Variants in HRH2 observed in about 807,000 individuals in gnomAD.
HRH2 encodes histamine receptor H2.
HRH2 carries 4 observed loss-of-function variants against 20.1 expected under a neutral mutation model. The ratio of observed to expected loss-of-function variants is 0.20; its 90% CI spans 0.10 to 0.45. HRH2 has a LOEUF of 0.45. Among genes scored for constraint, HRH2 ranks in the 20% least tolerant of loss-of-function variants. The pLI is 0.99. For synonymous variants in HRH2, 197 were observed against 200.7 expected (o/e 0.98, Z 0.16); for missense variants, 250 against 461.6 (o/e 0.54, Z 4.20).
At chr5:175,685,271 G>A (rs557449586) in intron 2 of HRH2, 32 of 707,990 alleles carry the variant, frequency 4.5e-5, no homozygotes, top group Admixed American at 4.3e-4. Flanking sequence ...GAGTGGCACC[G>A]AGGAAGCTCG....
intron 1 of HRH2, among the ~76,000 whole-genome samples, chr5:175,682,492 G>C: frequency 6.6e-6 from 1 of 152,022 alleles, no homozygotes; most frequent in East Asian, 1.9e-4. Context: ...TTTCTCACGA[G>C]TCTCAGTGTC....
intron 1 of HRH2, among the ~76,000 whole-genome samples, chr5:175,675,384 C>T (rs1297712771): frequency 6.6e-6 from 1 of 152,230 alleles, no homozygotes; most frequent in Non-Finnish European, 1.5e-5. Context: ...CTCCCAAGCA[C>T]TCCATCCCCA....
chr5:175,702,810 G>A (rs537526162), intron 2 of HRH2, among the ~76,000 whole-genome samples: 7 of 148,988 alleles, frequency 4.7e-5, no homozygotes, highest in East Asian at 2.0e-4. Flanking sequence ...CCTCAGATCC[G>A]CCCACCTCGG....
At chr5:175,698,494 T>G (rs1433617915) in intron 2 of HRH2, among the ~76,000 whole-genome samples, 1 of 152,174 alleles carries the variant, frequency 6.6e-6, no homozygotes, top group African/African-American at 2.4e-5. Flanking sequence ...ATTGAGACAG[T>G]TAAACAGAAA....
In HRH2 at chr5:175,674,217, G is replaced by A. The variant is rs113662962; in HGVS notation, c.-525-8492G>A. ...CCGAGGCTGGTTTCATGCCTTCTGC[G>A]GCAGGGGGGGTCTGGGGATATGGAC... On this transcript the variant is annotated intron_variant, in intron 1 of 2. Coordinates refer to ENST00000636584, the MANE Select transcript of HRH2 (RefSeq NM_001367711.1). Among the ~76,000 whole-genome samples, 942 of 152,242 alleles carry A rather than the reference G, an allele frequency of 6.2e-3. 9 individuals carry two copies. The highest frequency in any genetic ancestry group is 0.022 in the African/African-American group (902 of 41,528).
rs907596109 is a variant in HRH2, at chr5:175,683,001, T to C, written c.-233T>C. ...TGCTTTTCTCTCTTCTTCATTCATA[T>C]TCATTCCCAACACCTTAGAAGGTGT... is the stretch of plus-strand genomic sequence containing the variant. On this transcript the variant is annotated 5_prime_UTR_variant, in exon 2 of 3. Coordinates refer to ENST00000636584, the MANE Select transcript of HRH2 (RefSeq NM_001367711.1). 3.9e-6 allele frequency: 2 copies of C among 517,648 alleles called. No homozygotes were observed. Among genetic ancestry groups the C allele is most frequent in the African/African-American group, 3.9e-5 (2 of 51,868 alleles). The allele number at this position is 517,648 out of a possible 1,614,324, so 32.1% of individuals were successfully genotyped here. A position where few individuals can be genotyped will look rare whatever the true frequency, so the allele number is the denominator to read the frequency against.
At position 175,661,894 on chromosome 5, in the gene HRH2, C is replaced by T. The variant is rs191285133; in HGVS notation, c.-526+3739C>T. Among the ~76,000 whole-genome samples, 1,048 of 152,152 alleles carry T rather than the reference C, an allele frequency of 6.9e-3. 14 individuals carry two copies. The highest frequency in any genetic ancestry group is 0.024 in the African/African-American group (996 of 41,502). On this transcript the variant is annotated intron_variant, in intron 1 of 2. Transcript: ENST00000636584. ...AAAATTAGCCAGGCGTGATGGCAGG[C>T]GCCTGTAGTCCCAGCTACTCGGGAG...
intron 1 of HRH2, among the ~76,000 whole-genome samples, chr5:175,679,362 A>G (rs1199467834): frequency 2.0e-5 from 3 of 152,210 alleles, no homozygotes; most frequent in African/African-American, 7.2e-5. Context: ...CAAGGGAGGT[A>G]GAAGTGAGAG....
chr5:175,708,142 A>C lies in HRH2; in HGVS notation c.*171A>C, dbSNP rs1198161580. The C allele has an allele frequency of 2.5e-6, 1 of 395,148 alleles. No homozygotes were observed. The highest frequency in any genetic ancestry group is 3.6e-5 in the East Asian group (1 of 27,900). The allele number at this position is 395,148 out of a possible 1,614,324, so 24.5% of individuals were successfully genotyped here. A position where few individuals can be genotyped will look rare whatever the true frequency, so the allele number is the denominator to read the frequency against. On this transcript the variant is annotated 3_prime_UTR_variant, in exon 3 of 3. Coordinates refer to ENST00000636584, the MANE Select transcript of HRH2 (RefSeq NM_001367711.1). The stretch of plus-strand genomic sequence containing the variant: ...CCTCAGGCCTAGGGCGGAACAGCCT[A>C]TTCTGTGCTCAGCATTCCCAGACAG...
chr5:175,688,006 C>T (rs1756230733), intron 2 of HRH2, among the ~76,000 whole-genome samples: 2 of 152,194 alleles, frequency 1.3e-5, no homozygotes, highest in African/African-American at 4.8e-5. Context: ...CCTCCCTTTC[C>T]TTTACCTTTC....
intron 2 of HRH2, 42 bp downstream of exon 2, chr5:175,684,351 G>A (rs745783172): frequency 1.3e-5 from 20 of 1,593,492 alleles, no homozygotes; most frequent in Middle Eastern, 1.7e-4. Context: ...GGGGCAATGG[G>A]AGGGGATGCT....
chr5:175,667,326 C>T (rs932960415), intron 1 of HRH2, among the ~76,000 whole-genome samples: 1 of 152,000 alleles, frequency 6.6e-6, no homozygotes, highest in Non-Finnish European at 1.5e-5. Flanking sequence ...TGCCTGTAAT[C>T]GCAGCTACTC....
In HRH2 at chr5:175,704,730, C is replaced by A. The variant is rs372486785; in HGVS notation, c.1077-3049C>A. Among the ~76,000 whole-genome samples, 32 of 152,220 alleles carry A rather than the reference C, an allele frequency of 2.1e-4. No individual in the cohort carries two copies. The East Asian group carries it at 3.7e-3, about 17-fold the overall frequency. ...TGTTGTCATGAATGAGAAAGTTGAGCAGCATTGCCAGACATAAAATCAACG... is the reference window on the plus strand; with the variant it reads ...TGTTGTCATGAATGAGAAAGTTGAGAAGCATTGCCAGACATAAAATCAACG... On this transcript the variant is annotated intron_variant, in intron 2 of 2. Coordinates refer to ENST00000636584, the MANE Select transcript of HRH2 (RefSeq NM_001367711.1).
In HRH2 at chr5:175,708,751, A is replaced by C. The variant is rs1045715550; in HGVS notation, c.*780A>C. ...AGGCAAATATTTCCTTGACTCAGCC[A>C]CCTTCCTCCTAGCAAGGCTTAGACC... On this transcript the variant is annotated 3_prime_UTR_variant, in exon 3 of 3. Coordinates refer to ENST00000636584, the MANE Select transcript of HRH2 (RefSeq NM_001367711.1). 1 of 152,074 alleles carries C rather than the reference A, an allele frequency of 6.6e-6. No homozygotes were observed. The highest frequency in any genetic ancestry group is 2.4e-5 in the African/African-American group (1 of 41,374). 9.4% of individuals were successfully genotyped at this position (152,074 alleles called of 1,614,324 possible).
At chr5:175,695,731 G>A (rs1756553633) in intron 2 of HRH2, among the ~76,000 whole-genome samples, 1 of 152,244 alleles carries the variant, frequency 6.6e-6, no homozygotes, top group African/African-American at 2.4e-5. Flanking sequence ...TGCTGCGGGG[G>A]CAGCAAACTA....
In HRH2 at chr5:175,683,997, T is replaced by C. The variant is rs1657973128; in HGVS notation, c.764T>C (p.Val255Ala). Residue 255 changes from valine (V) to alanine (A), a missense_variant, in exon 2 of 3, where the codon GTG becomes GCG. Around this residue, in one of 5 missense-constraint regions of HRH2, gnomAD observed 58 missense variants for 166.8 expected, o/e 0.35. Coordinates refer to ENST00000636584, the MANE Select transcript of HRH2 (RefSeq NM_001367711.1). ...TGGTTTCCCTACTTCACCGCGTTTG[T>C]GTACCGTGGGCTGAGAGGGGATGAT... ...ICWFPYFTAF[V>A]YRGLRGDDAI... The C allele has an allele frequency of 6.2e-7, 1 of 1,614,058 alleles. No individual in the cohort carries two copies. The highest frequency in any genetic ancestry group is 1.3e-5 in the African/African-American group (1 of 74,918).
intron 2 of HRH2, chr5:175,685,741 C>T (rs1293570837): frequency 1.8e-6 from 1 of 564,830 alleles, no homozygotes; most frequent in East Asian, 3.0e-5. Context: ...CTGAAGCTCA[C>T]ATGAGCGAAG....
intron 1 of HRH2, among the ~76,000 whole-genome samples, chr5:175,678,638 C>T (rs188103226): frequency 1.3e-5 from 2 of 152,364 alleles, no homozygotes; most frequent in East Asian, 1.9e-4. Flanking sequence ...GTTGCCGTGA[C>T]GCTCGCCCAG....
At chr5:175,672,946 G>A (rs1018170534) in intron 1 of HRH2, among the ~76,000 whole-genome samples, 5 of 151,490 alleles carry the variant, frequency 3.3e-5, no homozygotes, top group Admixed American at 3.3e-4. Flanking sequence ...TGTAGTATCC[G>A]AGGAATAAGA....
Sources: allele counts gnomAD v4.1 joint callset (sites outside exome capture counted in the v4.1 genomes callset), GRCh38; gene constraint gnomAD v4.1.1; regional missense constraint gnomAD v4.1.1; transcripts MANE v1.5; gene names NCBI Gene and HGNC (gene_info 2026-07-23, HGNC 2026-07-21).